KCNIP3: variants seen among roughly 807,000 people sequenced by gnomAD.
KCNIP3 encodes the protein potassium voltage-gated channel interacting protein 3, also known as calsenilin.
A neutral mutation model predicts 35.0 loss-of-function variants in KCNIP3; 28 were observed. The ratio of observed to expected loss-of-function variants is 0.80; its 90% CI spans 0.59 to 1.10. The LOEUF is 1.10. Ranked by LOEUF, KCNIP3 falls within the 50% of genes least tolerant of loss-of-function variation. The probability of loss-of-function intolerance (pLI) is 0.00; values close to 1 mark genes in which losing one functional copy is unlikely to be tolerated. For synonymous variants in KCNIP3, 134 were observed against 133.8 expected, an observed-to-expected ratio of 1.00 and a Z score of -0.01; for missense variants, 295 against 338.4, an observed-to-expected ratio of 0.87 and a Z score of 1.01.
Position 95,378,887 on chromosome 2 carries a change from C to T in KCNIP3, c.448-2709C>T, listed in dbSNP as rs549767834. 2.6e-5 allele frequency among the ~76,000 whole-genome samples: 4 copies of T among 151,142 alleles called. No individual in the cohort carries two copies. The highest frequency in any genetic ancestry group is 2.1e-4 in the South Asian group (1 of 4,780). On this transcript the variant is annotated intron_variant, in intron 5 of 8. Coordinates refer to ENST00000295225, the MANE Select transcript of KCNIP3 (RefSeq NM_013434.5). This position sits in a 1 kb window ranked among gnomAD's most constrained non-coding sequence, Gnocchi z 4.0. ...ATATACACACACACACATATATATACACACACACACATATATATATATATA... is the reference window on the plus strand; with the variant it reads ...ATATACACACACACACATATATATATACACACACACATATATATATATATA...
chr2:95,310,261 T>C (rs921359641), intron 1 of KCNIP3, 94 bp from the exon 2 acceptor site: 4 of 1,436,144 alleles, frequency 2.8e-6, no homozygotes, highest in Admixed American at 1.7e-5. Context: ...GTGTTCAGGC[T>C]GGCCTCATCT....
chr2:95,353,382 C>T (rs147586916), intron 2 of KCNIP3, among the ~76,000 whole-genome samples: 8 of 152,286 alleles, frequency 5.3e-5, no homozygotes, highest in Middle Eastern at 3.4e-3. Context: ...GGGATCAGAT[C>T]GGATTCAGAG....
intron 2 of KCNIP3, among the ~76,000 whole-genome samples, chr2:95,345,796 C>T (rs1362873571): frequency 6.6e-6 from 1 of 152,258 alleles, no homozygotes; most frequent in African/African-American, 2.4e-5. Flanking sequence ...CCTCGTCCTC[C>T]CCTATTTTCT....
chr2:95,368,758 C>A, intron 2 of KCNIP3: 1 of 243,794 alleles, frequency 4.1e-6, no homozygotes, highest in South Asian at 8.0e-5. Flanking sequence ...GACTGATAAT[C>A]ACTGTTGGTT....
At chr2:95,367,461 A>G (rs1002912131) in intron 2 of KCNIP3, among the ~76,000 whole-genome samples, 4 of 152,180 alleles carry the variant, frequency 2.6e-5, no homozygotes, top group South Asian at 2.1e-4. Context: ...CATTTTGGAG[A>G]TAACTGGCAT....
At chr2:95,373,398 A>G (rs1680085101) in intron 2 of KCNIP3, among the ~76,000 whole-genome samples, 1 of 143,218 alleles carries the variant, frequency 7.0e-6, no homozygotes, top group African/African-American at 2.6e-5. Flanking sequence ...AGCCATGGTT[A>G]GTTAACAAGT....
chr2:95,349,051 A>G (rs894959500), intron 2 of KCNIP3, among the ~76,000 whole-genome samples: 3 of 152,020 alleles, frequency 2.0e-5, no homozygotes, highest in African/African-American at 7.3e-5. Context: ...CAATAACAGC[A>G]CTGATTCATG....
intron 6 of KCNIP3, 37 bp downstream of exon 6, chr2:95,381,740 C>A (rs757840396): frequency 1.5e-6 from 2 of 1,368,150 alleles, no homozygotes; most frequent in Admixed American, 1.7e-5. Flanking sequence ...GTCCCCTCCT[C>A]CCCTCCTGCT....
At chr2:95,324,174 T>A (rs1188140499) in intron 2 of KCNIP3, among the ~76,000 whole-genome samples, 5 of 152,218 alleles carry the variant, frequency 3.3e-5, no homozygotes, top group African/African-American at 1.2e-4. Flanking sequence ...TGACACAGAT[T>A]CAGGTTTTCA....
intron 1 of KCNIP3, among the ~76,000 whole-genome samples, chr2:95,304,938 C>G (rs1237931782): frequency 6.6e-6 from 1 of 152,196 alleles, no homozygotes; most frequent in Non-Finnish European, 1.5e-5. Context: ...GGCTCACCAG[C>G]AGCCTCTATC....
chr2:95,304,049 T>C (rs2104200555), intron 1 of KCNIP3, among the ~76,000 whole-genome samples: 1 of 152,346 alleles, frequency 6.6e-6, no homozygotes, highest in Middle Eastern at 3.4e-3. Flanking sequence ...CGTCTCAGTG[T>C]GGACCAGCCA....
Position 95,351,132 on chromosome 2 carries a change from C to T in KCNIP3, c.182-23164C>T, listed in dbSNP as rs569697523. Among the ~76,000 whole-genome samples, 3 of 152,392 alleles carry T rather than the reference C, an allele frequency of 2.0e-5. No homozygotes were observed. In the East Asian group the frequency reaches 5.8e-4, roughly 29 times the overall value. The stretch of plus-strand genomic sequence containing the variant: ...TGGGCTTGGGCCCAGCGGCTTCTCT[C>T]TTCCCCAGCTCCAGGTGCTAGGGAC... On this transcript the variant is annotated intron_variant, in intron 2 of 8. Transcript: ENST00000295225.
At chr2:95,351,750 C>T (rs1679530415) in intron 2 of KCNIP3, among the ~76,000 whole-genome samples, 1 of 152,208 alleles carries the variant, frequency 6.6e-6, no homozygotes, top group Admixed American at 6.5e-5. Context: ...GAGGCTGAGG[C>T]GGGAGGGTCA....
At position 95,382,435 on chromosome 2, in the gene KCNIP3, T is replaced by A; in HGVS notation, c.614T>A (p.Ile205Asn). Reference sequence around the variant, plus strand: ...ATGATGGGCCGCCACACCTACCCCATCCTGCGGGAGGACGCGCCGGCGGAG... The same window carrying A: ...ATGATGGGCCGCCACACCTACCCCAACCTGCGGGAGGACGCGCCGGCGGAG... Reference protein sequence around the residue: ...YDMMGRHTYPILREDAPAEHV... With the variant: ...YDMMGRHTYPNLREDAPAEHV... Residue 205 changes from isoleucine to asparagine, a missense_variant, in exon 7 of 9, where the codon ATC becomes AAC. Coordinates refer to ENST00000295225, the MANE Select transcript of KCNIP3 (RefSeq NM_013434.5). The surrounding 1 kb of genome is among the most constrained non-coding windows in gnomAD (Gnocchi z 4.5). The A allele has an allele frequency of 1.2e-6, 2 of 1,609,076 alleles. No homozygotes were observed. The highest frequency in any genetic ancestry group is 1.3e-5 in the African/African-American group (1 of 74,778).
chr2:95,326,241 ACAC>A (rs765852740), intron 2 of KCNIP3, among the ~76,000 whole-genome samples: 1 of 108,578 alleles, frequency 9.2e-6, no homozygotes, highest in Non-Finnish European at 1.9e-5. Context: ...ACATACACAC[ACAC>A]AACACTCACA....
intron 2 of KCNIP3, among the ~76,000 whole-genome samples, chr2:95,327,451 G>A (rs576660786): frequency 3.3e-5 from 5 of 151,918 alleles, no homozygotes; most frequent in Admixed American, 6.6e-5. Context: ...ACCCACACAC[G>A]CACAGTCACC....
chr2:95,317,355 C>T (rs1678482999), intron 2 of KCNIP3, among the ~76,000 whole-genome samples: 2 of 152,214 alleles, frequency 1.3e-5, no homozygotes, highest in South Asian at 4.1e-4. Context: ...CCTCCCAGCC[C>T]AGGAAGCCGC....
intron 2 of KCNIP3, chr2:95,346,972 G>A (rs764426112): frequency 1.4e-6 from 2 of 1,463,288 alleles, no homozygotes; most frequent in South Asian, 2.4e-5. Context: ...GCAGCGCGTG[G>A]GCGAGGGGTG....
chr2:95,343,224 C>T (rs1449529790), intron 2 of KCNIP3, among the ~76,000 whole-genome samples: 3 of 152,044 alleles, frequency 2.0e-5, no homozygotes, highest in East Asian at 1.9e-4. Flanking sequence ...AGGGTTTTGG[C>T]TGAACAGCTG....
Sources: gnomAD v4.1 joint callset for allele counts (sites outside exome capture counted in the v4.1 genomes callset) on GRCh38, gnomAD v4.1.1 for gene constraint, Gnocchi (gnomAD v3.1) non-coding constraint, MANE v1.5 for transcripts, NCBI Gene and HGNC (gene_info 2026-07-23, HGNC 2026-07-21) for gene names.